Variants in IRAK1 observed in about 807,000 individuals in gnomAD.
The protein encoded by IRAK1 is interleukin 1 receptor associated kinase 1, also known as interleukin-1 receptor-associated kinase 1.
Under a neutral mutation model 49.8 loss-of-function variants are expected in IRAK1, and 9 were observed. The observed-to-expected ratio is 0.18, with a 90% CI of 0.11 to 0.32. The LOEUF (loss-of-function observed/expected upper bound fraction) is 0.32. IRAK1 is among the 10% of genes least tolerant of loss of function. The pLI, the probability that IRAK1 is intolerant of heterozygous loss-of-function variation, is 1.00. For synonymous variants in IRAK1, 282 were observed against 270.8 expected, an observed-to-expected ratio of 1.04 and a Z score of -0.41; for missense variants, 418 against 600.5, an observed-to-expected ratio of 0.70 and a Z score of 3.18.
chrX:154,011,983 GC>G, intron 13 of IRAK1, 66 bp from the exon 14 acceptor site: 1 of 969,225 alleles, frequency 1.0e-6, no homozygotes, highest in Non-Finnish European at 1.5e-6. Context: ...AGAAGCCCTG[GC>G]TCAAGGCCTG....
chrX:154,016,002 T>C lies in IRAK1; in HGVS notation c.1302+30A>G, dbSNP rs887344230. On this transcript the variant is annotated intron_variant, in intron 10 of 13. Transcript: ENST00000369980. ...CCTGCTGGCTGCCAGCAGCTGTGTG[T>C]CCCTCCTGGCCCTGCCTCAAGGGGC... 8 of 1,166,361 alleles carry C rather than the reference T, an allele frequency of 6.9e-6. No homozygotes were observed. In the African/African-American group the frequency reaches 8.9e-5, roughly 13 times the overall value.
chrX:154,018,273 C>T lies in IRAK1; in HGVS notation c.794+18G>A. ...TGAAGCCCCACGGGACCTGGTGTGG[C>T]TCCCCCTCTGGCCTCACCTGGACAG... On this transcript the variant is annotated intron_variant, in intron 6 of 13. Coordinates refer to ENST00000369980, the MANE Select transcript of IRAK1 (RefSeq NM_001569.4). 3 of 1,147,021 alleles carry T rather than the reference C, an allele frequency of 2.6e-6. No individual in the cohort carries two copies. Among genetic ancestry groups the T allele is most frequent in the Non-Finnish European group, 3.5e-6 (3 of 853,680 alleles). 94.5% of individuals were successfully genotyped at this position (1,147,021 alleles called of 1,213,427 possible).
At chrX:154,011,956 G>T in intron 13 of IRAK1, 39 bp from the exon 14 acceptor site, 1 of 1,130,377 alleles carries the variant, frequency 8.8e-7, no homozygotes, top group Non-Finnish European at 1.2e-6. Context: ...GCAAATGGGG[G>T]AGGCTCCCCT....
intron 2 of IRAK1, 51 bp from the exon 3 acceptor site, chrX:154,019,379 C>T: frequency 8.9e-7 from 1 of 1,127,275 alleles, no homozygotes; most frequent in African/African-American, 1.8e-5. Context: ...GGGGGAGCCC[C>T]GTGGGGCCCG....
At chrX:154,018,144 TCCATCAGG>T in intron 6 of IRAK1, 24 bp from the exon 7 acceptor site, 1 of 1,153,309 alleles carries the variant, frequency 8.7e-7, no homozygotes, top group Non-Finnish European at 1.2e-6. Context: ...GGGAGCACTT[TCCATCAGG>T]CCAGACTGGG....
intron 10 of IRAK1, among the ~76,000 whole-genome samples, chrX:154,015,681 G>C (rs2065733839): frequency 8.9e-6 from 1 of 111,835 alleles, no homozygotes; most frequent in Non-Finnish European, 1.9e-5. Context: ...GCAGCCTGCT[G>C]GGGCCCAGGA....
In IRAK1 at chrX:154,019,707, C is replaced by T; in HGVS notation, c.106G>A (p.Ala36Thr). ...TGGCACCAGTCGGCGGGCTCCAGGG[C>T]GTCCATCACTTTGTAGAAGCGGCAC... The part of the protein sequence containing the change: ...VMCRFYKVMD[A>T]LEPADWCQFA... The change falls in exon 1 of 14, where the codon GCC becomes ACC. Residue 36 changes from alanine (A) to threonine (T), a missense_variant. By Grantham distance (58) the Ala-to-Thr change is moderately conservative (BLOSUM62 0). Transcript: ENST00000369980. The T allele has an allele frequency of 1.0e-6, 1 of 989,508 alleles. No individual in the cohort carries two copies. Among genetic ancestry groups the T allele is most frequent in the Non-Finnish European group, 1.3e-6 (1 of 784,914 alleles). 81.5% of individuals were successfully genotyped at this position (989,508 alleles called of 1,213,427 possible).
chrX:154,015,258 G>A (rs1472498174), intron 10 of IRAK1, among the ~76,000 whole-genome samples: 4 of 112,113 alleles, frequency 3.6e-5, no homozygotes, highest in Non-Finnish European at 7.5e-5. Flanking sequence ...TGGCTGCAGG[G>A]TGGGGAGCAA....
chrX:154,019,422 C>T lies in IRAK1; in HGVS notation c.304+9G>A. The T allele has an allele frequency of 9.0e-7, 1 of 1,114,267 alleles. No homozygotes were observed. Among genetic ancestry groups the T allele is most frequent in the Non-Finnish European group, 1.2e-6 (1 of 833,078 alleles). 91.8% of individuals were successfully genotyped at this position (1,114,267 alleles called of 1,213,427 possible). On this transcript the variant is annotated intron_variant, in intron 2 of 13. Transcript: ENST00000369980. Reference sequence around the variant, plus strand: ...CCCAGCCGTGGGGTGCCCGGAGTCCCGCGCTCACAGGCTGTGATGATGTCC... The same window carrying T: ...CCCAGCCGTGGGGTGCCCGGAGTCCTGCGCTCACAGGCTGTGATGATGTCC...
intron 6 of IRAK1, 71 bp from the exon 7 acceptor site, chrX:154,018,191 G>C: frequency 1.9e-6 from 2 of 1,058,270 alleles, no homozygotes; most frequent in Non-Finnish European, 2.6e-6. Flanking sequence ...GCCTCAGCTC[G>C]CCCGGGCCTG....
At chrX:154,012,508 G>A (rs375437690) in intron 13 of IRAK1, 21 bp downstream of exon 13, 6 of 1,199,753 alleles carry the variant, frequency 5.0e-6, no homozygotes, top group Non-Finnish European at 4.5e-6. Context: ...GCACCCCAGA[G>A]GCCAGCCTGG....
rs191455046 is a variant in IRAK1, at chrX:154,011,688, C to T, written c.*171G>A. The T allele has an allele frequency of 1.5e-5, 8 of 531,184 alleles. No homozygotes were observed. In the East Asian group the frequency reaches 2.8e-4, roughly 19 times the overall value. 43.8% of individuals were successfully genotyped at this position (531,184 alleles called of 1,213,427 possible). A position where few individuals can be genotyped will look rare whatever the true frequency, so the allele number is the denominator to read the frequency against. On this transcript the variant is annotated 3_prime_UTR_variant, in exon 14 of 14. Coordinates refer to ENST00000369980, the MANE Select transcript of IRAK1 (RefSeq NM_001569.4). The stretch of plus-strand genomic sequence containing the variant: ...GGCATGGAGGCAGGGTTCCACTCTG[C>T]CTGCCTATGCCCACAGAGCCTAGAA...
At position 154,016,081 on chromosome X, in the gene IRAK1, A is replaced by T; in HGVS notation, c.1253T>A (p.Leu418Ter). 1 of 1,209,168 alleles carries T rather than the reference A, an allele frequency of 8.3e-7. No individual in the cohort carries two copies. Among genetic ancestry groups the T allele is most frequent in the Non-Finnish European group, 1.1e-6 (1 of 893,100 alleles). ...FSFGVVVLET[L>*]AGQRAVKTHG... ...CGTCTTCACAGCCCTCTGACCAGCCAAGGTCTCTAGCACTACCTGGAGAGA... is the reference window on the plus strand; with the variant it reads ...CGTCTTCACAGCCCTCTGACCAGCCTAGGTCTCTAGCACTACCTGGAGAGA... Residue 418 changes from leucine to a stop codon, truncating the protein, a stop_gained, in exon 10 of 14, where the codon TTG becomes TAG. Coordinates refer to ENST00000369980, the MANE Select transcript of IRAK1 (RefSeq NM_001569.4). LOFTEE classifies it high-confidence loss of function.
intron 6 of IRAK1, 74 bp from the exon 7 acceptor site, chrX:154,018,194 C>T (rs1321428376): frequency 2.1e-5 from 22 of 1,069,323 alleles, no homozygotes; most frequent in East Asian, 3.1e-5. Flanking sequence ...TCAGCTCGCC[C>T]GGGCCTGCCA....
rs782538282 is a variant in IRAK1 at position 154,019,376 on chromosome X, C to A, written c.305-48G>T. 3.6e-6 allele frequency: 4 copies of A among 1,126,068 alleles called. No individual in the cohort carries two copies. The Admixed American group carries it at 1.1e-4, about 31-fold the overall frequency. The allele number at this position is 1,126,068 out of a possible 1,213,427, so 92.8% of individuals were successfully genotyped here. A position where few individuals can be genotyped will look rare whatever the true frequency, so the allele number is the denominator to read the frequency against. ...GAAGGTTGAGGCCCGGGTGGGGGAG[C>A]CCCGTGGGGCCCGCCGGCCTCCCAG... On this transcript the variant is annotated intron_variant, in intron 2 of 13. Coordinates refer to ENST00000369980, the MANE Select transcript of IRAK1 (RefSeq NM_001569.4).
At position 154,011,425 on chromosome X, in the gene IRAK1, T is replaced by C. The variant is rs1413706714; in HGVS notation, c.*434A>G. Reference sequence around the variant, plus strand: ...AAATTGTAAGCAGGTAGGAGGGCCCTAGGCCTCGTCGGCCCCATTGTGCAG... The same window carrying C: ...AAATTGTAAGCAGGTAGGAGGGCCCCAGGCCTCGTCGGCCCCATTGTGCAG... On this transcript the variant is annotated 3_prime_UTR_variant, in exon 14 of 14. Transcript: ENST00000369980. The C allele has an allele frequency of 3.9e-6, 1 of 255,032 alleles. No homozygotes were observed. Among genetic ancestry groups the C allele is most frequent in the East Asian group, 1.0e-4 (1 of 9,909 alleles). The allele number at this position is 255,032 out of a possible 1,213,427, so 21.0% of individuals were successfully genotyped here.
chrX:154,010,881 G>A lies in IRAK1; in HGVS notation c.*978C>T, dbSNP rs1557127215. ...GCTGAGCTTGTGGCCTCCGAAGCCTGACCTGGCTCGGAGCTCGTCTGTGGC... is the reference window on the plus strand; with the variant it reads ...GCTGAGCTTGTGGCCTCCGAAGCCTAACCTGGCTCGGAGCTCGTCTGTGGC... On this transcript the variant is annotated 3_prime_UTR_variant, in exon 14 of 14. Coordinates refer to ENST00000369980, the MANE Select transcript of IRAK1 (RefSeq NM_001569.4). 1 of 329,201 alleles carries A rather than the reference G, an allele frequency of 3.0e-6. No individual in the cohort carries two copies. Among genetic ancestry groups the A allele is most frequent in the African/African-American group, 2.7e-5 (1 of 37,176 alleles). 27.1% of individuals were successfully genotyped at this position (329,201 alleles called of 1,213,427 possible). A position where few individuals can be genotyped will look rare whatever the true frequency, so the allele number is the denominator to read the frequency against.
intron 9 of IRAK1, 116 bp downstream of exon 9, chrX:154,016,321 G>A: frequency 1.4e-6 from 1 of 729,722 alleles, no homozygotes; most frequent in Non-Finnish European, 2.1e-6. Context: ...CCCTGGAGCT[G>A]CAGCCTCCTG....
At position 154,012,524 on chromosome X, in the gene IRAK1, A is replaced by G. The variant is rs782342539; in HGVS notation, c.2080+5T>C. 13 of 1,204,769 alleles carry G rather than the reference A, an allele frequency of 1.1e-5. No homozygotes were observed. Among genetic ancestry groups the G allele is most frequent in the Non-Finnish European group, 1.3e-5 (12 of 892,276 alleles). On this transcript the variant is annotated splice_donor_5th_base_variant and intron_variant, in intron 13 of 13. Transcript: ENST00000369980. ...CACCCCAGAGGCCAGCCTGGGCGGCAGCACCTGGGAGGGAGCTGGACGACA... is the reference window on the plus strand; with the variant it reads ...CACCCCAGAGGCCAGCCTGGGCGGCGGCACCTGGGAGGGAGCTGGACGACA...
Sources: allele counts gnomAD v4.1 joint callset (sites outside exome capture counted in the v4.1 genomes callset), GRCh38; gene constraint gnomAD v4.1.1; transcripts MANE v1.5; gene names NCBI Gene and HGNC (gene_info 2026-07-23, HGNC 2026-07-21).